SHCBP1L: variants seen among roughly 807,000 people sequenced by gnomAD.
The protein encoded by SHCBP1L is testicular spindle-associated protein SHCBP1L.
In SHCBP1L, 67 loss-of-function variants were observed where a neutral mutation model predicts 62.5. The ratio of observed to expected loss-of-function variants is 1.07; its 90% confidence interval spans 0.88 to 1.31. The LOEUF is 1.31. Ranked by LOEUF, SHCBP1L falls within the 40% of genes most tolerant of loss-of-function variation. SHCBP1L has a pLI of 0.00. For missense variants in SHCBP1L, 823 were observed against 809.8 expected, an observed-to-expected ratio of 1.02 and a Z score of -0.20; for synonymous variants, 284 against 289.4, an observed-to-expected ratio of 0.98 and a Z score of 0.19.
chr1:182,952,229 TATATATACACAC>T (rs1273505461), intron 1 of SHCBP1L, among the ~76,000 whole-genome samples: 3 of 60,554 alleles, frequency 5.0e-5, no homozygotes, highest in East Asian at 7.6e-4. Context: ...TATATATATA[TATATATACACAC>T]ACACACACAC....
Position 182,953,135 on chromosome 1 carries a change from T to C in SHCBP1L, c.-2A>G. 2 of 1,580,984 alleles carry C rather than the reference T, an allele frequency of 1.3e-6. No individual in the cohort carries two copies. The highest frequency in any genetic ancestry group is 1.7e-6 in the Non-Finnish European group (2 of 1,171,958). On this transcript the variant is annotated 5_prime_UTR_variant, in exon 1 of 10. Transcript: ENST00000367547. ...CGAGGCCTTGGAGCCCGACGCCATC[T>C]CCTCAGCAGCCCGAGGGCCGAGGCA...
At chr1:182,933,840 G>A (rs1386375179) in intron 5 of SHCBP1L, among the ~76,000 whole-genome samples, 2 of 152,008 alleles carry the variant, frequency 1.3e-5, no homozygotes, top group Non-Finnish European at 2.9e-5. Context: ...TAGTATATTG[G>A]TCTCACAGAA....
intron 3 of SHCBP1L, among the ~76,000 whole-genome samples, chr1:182,939,781 T>C (rs1353512883): frequency 6.6e-6 from 1 of 152,202 alleles, no homozygotes; most frequent in Non-Finnish European, 1.5e-5. Flanking sequence ...TAAAATTGTT[T>C]CTAAATTTTA....
At chr1:182,934,046 AATCATTT>A (rs1651091887) in intron 5 of SHCBP1L, among the ~76,000 whole-genome samples, 1 of 152,076 alleles carries the variant, frequency 6.6e-6, no homozygotes, top group Non-Finnish European at 1.5e-5. Context: ...TTTCTGCTTG[AATCATTT>A]TTGGTAGATT....
chr1:182,917,646 T>G (rs561068618), intron 6 of SHCBP1L, among the ~76,000 whole-genome samples: 27 of 152,308 alleles, frequency 1.8e-4, no homozygotes, highest in African/African-American at 6.5e-4. Flanking sequence ...GTGGTTGTGG[T>G]TTTGCTCCCT....
At position 182,939,198 on chromosome 1, in the gene SHCBP1L, T is replaced by C. The variant is rs757626990; in HGVS notation, c.1054A>G (p.Met352Val). 2 of 1,610,878 alleles carry C rather than the reference T, an allele frequency of 1.2e-6. No individual in the cohort carries two copies. Among genetic ancestry groups the C allele is most frequent in the African/African-American group, 2.7e-5 (2 of 74,882 alleles). ...EIVMLCGLLK[M>V]WEDLRLRVHG... ...TACCGGAGGCGTAAATCTTCCCACA[T>C]TTTCAGTAATCCACAGAGCATGACT... Residue 352 changes from methionine (M) to valine (V), a missense_variant, in exon 5 of 10, where the codon ATG (methionine) becomes GTG (valine). By Grantham distance (21) the Met-to-Val change is conservative. Coordinates refer to ENST00000367547, the MANE Select transcript of SHCBP1L (RefSeq NM_030933.4).
intron 5 of SHCBP1L, among the ~76,000 whole-genome samples, chr1:182,932,651 T>C (rs1180675914): frequency 6.7e-6 from 1 of 150,314 alleles, no homozygotes; most frequent in East Asian, 2.0e-4. Context: ...TGCACCACCA[T>C]GCCTTGCTAA....
At position 182,951,333 on chromosome 1, in the gene SHCBP1L, A is replaced by G. The variant is rs746428007; in HGVS notation, c.540T>C (p.Val180=). The part of the protein sequence containing the change: ...VKYEEASIPF[V]GILVEVTCEP... ...ATTTATTTACCTCAACCAATATACC[A>G]ACAAAAGGGATAGAAGCTTCTTCAT... Residue 180 remains valine (V), a synonymous_variant, in exon 2 of 10, where the codon GTT becomes GTC. Transcript: ENST00000367547. 6 of 1,574,938 alleles carry G rather than the reference A, an allele frequency of 3.8e-6. No individual in the cohort carries two copies. Among genetic ancestry groups the G allele is most frequent in the Non-Finnish European group, 5.2e-6 (6 of 1,162,686 alleles).
In SHCBP1L at chr1:182,940,514, T is replaced by C. The variant is rs1414498507; in HGVS notation, c.585A>G (p.Ser195=). 2.5e-5 allele frequency: 40 copies of C among 1,613,812 alleles called. No individual in the cohort carries two copies. The highest frequency in any genetic ancestry group is 3.4e-5 in the Non-Finnish European group (40 of 1,179,906). The change falls in exon 3 of 10, where the codon TCA becomes TCG. Residue 195 remains serine (S), a synonymous_variant. Coordinates refer to ENST00000367547, the MANE Select transcript of SHCBP1L (RefSeq NM_030933.4). The part of the protein sequence containing the change: ...EVTCEPYQDS[S]SRFKVTVSVA... The stretch of plus-strand genomic sequence containing the variant: ...CAGAAACAGTAACTTTGAAACGAGA[T>C]GATGAGTCTTGGTATGGTTCACAAG...
At chr1:182,951,529 G>C (rs1453077930) in intron 1 of SHCBP1L, 62 bp from the exon 2 acceptor site, 3 of 1,104,532 alleles carry the variant, frequency 2.7e-6, no homozygotes, top group Admixed American at 2.9e-5. Flanking sequence ...TAAACTAAGT[G>C]GTTTTTTTTT....
chr1:182,914,840 A>T (rs1650301863), intron 6 of SHCBP1L, among the ~76,000 whole-genome samples: 1 of 152,144 alleles, frequency 6.6e-6, no homozygotes, highest in African/African-American at 2.4e-5. Context: ...GGTAGAAAGG[A>T]TAAAGAAAAA....
rs557201080 is a variant in SHCBP1L, at chr1:182,942,367, G to A, written c.556-1824C>T. 29 of 762,518 alleles carry A rather than the reference G, an allele frequency of 3.8e-5. No individual in the cohort carries two copies. In the African/African-American group the frequency reaches 4.6e-4, roughly 12 times the overall value. 47.2% of individuals were successfully genotyped at this position (762,518 alleles called of 1,614,324 possible). ...ATCTCCTGTTGGGCTCTTCCTTGGC[G>A]GCCCCTTCGGCGGAGCTGACCTTCC... On this transcript the variant is annotated intron_variant, in intron 2 of 9. Coordinates refer to ENST00000367547, the MANE Select transcript of SHCBP1L (RefSeq NM_030933.4).
chr1:182,923,833 C>T (rs537718139), intron 6 of SHCBP1L, among the ~76,000 whole-genome samples: 33 of 152,182 alleles, frequency 2.2e-4, no homozygotes, highest in South Asian at 8.3e-4. Context: ...AACAAGACAA[C>T]GATACCCACT....
intron 6 of SHCBP1L, among the ~76,000 whole-genome samples, chr1:182,910,899 T>G (rs898911826): frequency 2.7e-5 from 4 of 150,862 alleles, no homozygotes; most frequent in Non-Finnish European, 4.4e-5. Flanking sequence ...GTTGTTGTGG[T>G]TTTTTTTTGA....
intron 5 of SHCBP1L, among the ~76,000 whole-genome samples, chr1:182,933,782 T>G (rs1651084520): frequency 6.6e-6 from 1 of 152,184 alleles, no homozygotes; most frequent in Non-Finnish European, 1.5e-5. Context: ...TTAGTGATAT[T>G]CGTGTAGGTT....
intron 6 of SHCBP1L, among the ~76,000 whole-genome samples, chr1:182,913,140 A>G (rs113574775): frequency 1.3e-3 from 193 of 150,570 alleles, no homozygotes; most frequent in African/African-American, 4.6e-3. Flanking sequence ...ATCTCAAAAA[A>G]TTAATTAATT....
At chr1:182,952,468 T>G in intron 1 of SHCBP1L, 1 of 430,894 alleles carries the variant, frequency 2.3e-6, no homozygotes, top group East Asian at 3.8e-5. Context: ...TTTTAGGAGC[T>G]CTCAGAAAAT....
intron 6 of SHCBP1L, among the ~76,000 whole-genome samples, chr1:182,911,984 T>C (rs906229194): frequency 6.6e-6 from 1 of 152,258 alleles, no homozygotes; most frequent in African/African-American, 2.4e-5. Context: ...TCCTGACTCA[T>C]AACTTCCACA....
Position 182,939,335 on chromosome 1 carries a change from GT to G in SHCBP1L, c.916del (p.Thr306LeufsTer38). 1 of 1,613,840 alleles carries G rather than the reference GT, an allele frequency of 6.2e-7. No homozygotes were observed. Among genetic ancestry groups the G allele is most frequent in the Non-Finnish European group, 8.5e-7 (1 of 1,179,918 alleles). ...ACGTTTGTTTTTATATTTCTCCAAA[GT>G]TTTTTTAAAACGTTGTGCGATAGGA... ...PGPIAQRFKK[T>X]LEKYKNKRVE... On this transcript the variant is annotated frameshift_variant, in exon 5 of 10. Coordinates refer to ENST00000367547, the MANE Select transcript of SHCBP1L (RefSeq NM_030933.4). LOFTEE classifies it high-confidence loss of function.
Sources: gnomAD v4.1 joint callset for allele counts (sites outside exome capture counted in the v4.1 genomes callset) on GRCh38, gnomAD v4.1.1 for gene constraint, MANE v1.5 for transcripts, NCBI Gene and HGNC (gene_info 2026-07-23, HGNC 2026-07-21) for gene names.